CACNA1D: variants seen among roughly 807,000 people sequenced by gnomAD.
The protein encoded by CACNA1D is voltage-dependent L-type calcium channel subunit alpha-1D.
Under a neutral mutation model 257.1 loss-of-function variants are expected in CACNA1D, and 55 were observed. The ratio of observed to expected loss-of-function variants is 0.21; its 90% CI spans 0.17 to 0.27. The LOEUF is 0.27. Among genes scored for constraint, CACNA1D ranks in the 10% least tolerant of loss-of-function variants. The probability of loss-of-function intolerance (pLI) is 1.00; values close to 1 mark genes in which losing one functional copy is unlikely to be tolerated. For missense variants in CACNA1D, 1,876 were observed against 2,784.0 expected, an observed-to-expected ratio of 0.67 and a Z score of 7.34; for synonymous variants, 980 against 1,014.9, an observed-to-expected ratio of 0.97 and a Z score of 0.65.
intron 3 of CACNA1D, among the ~76,000 whole-genome samples, chr3:53,620,725 G>T (rs756854654): frequency 6.6e-6 from 1 of 152,214 alleles, no homozygotes; most frequent in African/African-American, 2.4e-5. Flanking sequence ...GTAAGAACTT[G>T]ATTTGCACCC....
At chr3:53,684,621 CAAAAAAAA>C (rs60026644) in intron 8 of CACNA1D, among the ~76,000 whole-genome samples, 2 of 84,508 alleles carry the variant, frequency 2.4e-5, no homozygotes, top group African/African-American at 5.3e-5. Flanking sequence ...GAAACTCTGT[CAAAAAAAA>C]AAAAAAAAAA....
At chr3:53,809,308 C>T in intron 46 of CACNA1D, 1 of 168,144 alleles carries the variant, frequency 5.9e-6, no homozygotes, top group East Asian at 1.6e-4. Context: ...GGGCCGGAGC[C>T]CACTCACTAG....
chr3:53,716,054 A>C (rs559525089), intron 9 of CACNA1D, among the ~76,000 whole-genome samples: 10 of 152,372 alleles, frequency 6.6e-5, no homozygotes, highest in African/African-American at 2.4e-4. Context: ...TCAGCATGAG[A>C]CATGACTCCA....
intron 3 of CACNA1D, among the ~76,000 whole-genome samples, chr3:53,623,027 C>G (rs11130373): frequency 0.47 from 72,060 of 151,868 alleles, 17,455 homozygotes; most frequent in African/African-American, 0.55. Flanking sequence ...GCATAGCTGG[C>G]ACTACAGGCG....
chr3:53,804,408 C>T (rs960490061), intron 44 of CACNA1D, among the ~76,000 whole-genome samples: 5 of 152,346 alleles, frequency 3.3e-5, no homozygotes, highest in South Asian at 2.1e-4. Context: ...GCCCTCACTC[C>T]GTCTGCTGGC....
At chr3:53,782,435 G>A (rs1285599129) in intron 39 of CACNA1D, 2 of 151,916 alleles carry the variant, frequency 1.3e-5, no homozygotes, top group African/African-American at 4.8e-5. Flanking sequence ...GCATCCTTGG[G>A]CCGGGCACGT....
chr3:53,538,140 A>ATTTTTTTTTT (rs1559808168), intron 3 of CACNA1D, among the ~76,000 whole-genome samples: 1 of 109,006 alleles, frequency 9.2e-6, no homozygotes, highest in African/African-American at 5.2e-5. Context: ...CAGTTTTTGA[A>ATTTTTTTTTT]GTTTTTTTTT....
intron 3 of CACNA1D, among the ~76,000 whole-genome samples, chr3:53,640,236 A>G (rs1296708598): frequency 6.6e-6 from 1 of 152,162 alleles, no homozygotes; most frequent in Non-Finnish European, 1.5e-5. Context: ...TCCCAGGGAG[A>G]CAGTGTATGA....
rs1317983809 is a variant in CACNA1D at position 53,634,078 on chromosome 3, C to T, written c.484-16701C>T. Among the ~76,000 whole-genome samples the T allele has an allele frequency of 3.9e-5, 6 of 152,204 alleles. No homozygotes were observed. In the East Asian group the frequency reaches 1.2e-3, roughly 29 times the overall value. On this transcript the variant is annotated intron_variant, in intron 3 of 47. Transcript: ENST00000350061. ...GATGTCTCAAGGTGATATGAGTGTG[C>T]CTCAATTTATAGGGAGTGACTATGG...
intron 3 of CACNA1D, among the ~76,000 whole-genome samples, chr3:53,535,653 C>T (rs1231620594): frequency 6.6e-6 from 1 of 152,138 alleles, no homozygotes; most frequent in Non-Finnish European, 1.5e-5. Context: ...TCCCTTTCCT[C>T]CCAGACTAGT....
Position 53,805,104 on chromosome 3 carries a change from C to T in CACNA1D, c.5707C>T (p.Arg1903Trp), listed in dbSNP as rs931440460. The change falls in exon 45 of 48, where the codon CGG (arginine) becomes TGG (tryptophan). Residue 1903 changes from arginine (R) to tryptophan (W), a missense_variant. Arg to Trp is a moderately radical substitution (Grantham distance 101). Around this residue, in one of 10 missense-constraint regions of CACNA1D, gnomAD observed 491 missense variants for 554.3 expected, o/e 0.89. Coordinates refer to ENST00000350061, the MANE Select transcript of CACNA1D (RefSeq NM_001128840.3). ...DDDSPVCYDS[R>W]RSPRRRLLPP... is the part of the protein sequence containing the mutation. ...TGACTCGCCCGTTTGCTATGATTCA[C>T]GGAGATCTCCAAGGAGACGCCTACT... 3 of 1,613,998 alleles carry T rather than the reference C, an allele frequency of 1.9e-6. No individual in the cohort carries two copies. Among genetic ancestry groups the T allele is most frequent in the Admixed American group, 1.7e-5 (1 of 60,006 alleles).
intron 8 of CACNA1D, 142 bp from the exon 9 acceptor site, chr3:53,702,499 T>G (rs1311569230): frequency 2.6e-6 from 2 of 768,272 alleles, no homozygotes; most frequent in Non-Finnish European, 4.5e-6. Flanking sequence ...TGTCCAAGTG[T>G]GTGGCTCCAT....
chr3:53,673,785 G>C lies in CACNA1D; in HGVS notation c.1220+659G>C, dbSNP rs201881377. On this transcript the variant is annotated intron_variant, in intron 8 of 47. Transcript: ENST00000350061. This position sits in a 1 kb window ranked among gnomAD's most constrained non-coding sequence, Gnocchi z 4.1. Reference sequence around the variant, plus strand: ...TCTGATCATCCTTGGCTCATTTTTCGTCCTTAACCTGGTTCTTGGTGTCCT... The same window carrying C: ...TCTGATCATCCTTGGCTCATTTTTCCTCCTTAACCTGGTTCTTGGTGTCCT... 6.2e-7 allele frequency: 1 copy of C among 1,613,616 alleles called. No homozygotes were observed. The highest frequency in any genetic ancestry group is 8.5e-7 in the Non-Finnish European group (1 of 1,179,730).
chr3:53,682,692 G>A (rs910520170), intron 8 of CACNA1D, among the ~76,000 whole-genome samples: 5 of 152,090 alleles, frequency 3.3e-5, no homozygotes, highest in Non-Finnish European at 7.4e-5. Flanking sequence ...AAAATGTTGG[G>A]AAAATCTGCA....
At chr3:53,760,953 A>G (rs771537004) in intron 29 of CACNA1D, among the ~76,000 whole-genome samples, 4 of 152,232 alleles carry the variant, frequency 2.6e-5, no homozygotes, top group Non-Finnish European at 5.9e-5. Flanking sequence ...GTAGAGCTGC[A>G]GACAAAGACC....
intron 3 of CACNA1D, among the ~76,000 whole-genome samples, chr3:53,526,570 C>G (rs998116418): frequency 6.6e-6 from 1 of 152,130 alleles, no homozygotes; most frequent in Non-Finnish European, 1.5e-5. Flanking sequence ...GATTACTGTT[C>G]GAGGTTTTTC....
intron 32 of CACNA1D, 142 bp downstream of exon 32, chr3:53,770,694 G>A: frequency 1.3e-6 from 1 of 750,694 alleles, no homozygotes; most frequent in Non-Finnish European, 2.3e-6. Flanking sequence ...GAATGCTGGA[G>A]AGACCCAAAT....
chr3:53,550,144 G>T (rs2092500918), intron 3 of CACNA1D, among the ~76,000 whole-genome samples: 1 of 152,204 alleles, frequency 6.6e-6, no homozygotes, highest in Non-Finnish European at 1.5e-5. Flanking sequence ...GGGAGAGAGA[G>T]TGAGGAGAGC....
At chr3:53,737,025 G>C (rs1176230257) in intron 20 of CACNA1D, among the ~76,000 whole-genome samples, 1 of 152,182 alleles carries the variant, frequency 6.6e-6, no homozygotes, top group African/African-American at 2.4e-5. Context: ...GGGTGGCCAG[G>C]CGTGGTGGCT....
Sources: gnomAD v4.1 joint callset for allele counts (sites outside exome capture counted in the v4.1 genomes callset) on GRCh38, gnomAD v4.1.1 for gene constraint, gnomAD v4.1.1 regional missense constraint, Gnocchi (gnomAD v3.1) non-coding constraint, MANE v1.5 for transcripts, NCBI Gene and HGNC (gene_info 2026-07-23, HGNC 2026-07-21) for gene names.